Variants in EPG5 observed in about 807,000 individuals in gnomAD.
EPG5 encodes the protein ectopic P granules protein 5 homolog.
A neutral mutation model predicts 302.7 loss-of-function variants in EPG5; 159 were observed. The observed-to-expected ratio is 0.53, with a 90% CI of 0.46 to 0.60. The LOEUF is 0.60. Among genes scored for constraint, EPG5 ranks in the 20% least tolerant of loss-of-function variants. The pLI is 0.00. For missense variants in EPG5, 2,896 were observed against 3,092.4 expected, an observed-to-expected ratio of 0.94 and a Z score of 1.51; for synonymous variants, 1,158 against 1,136.8, an observed-to-expected ratio of 1.02 and a Z score of -0.37.
intron 27 of EPG5, among the ~76,000 whole-genome samples, chr18:45,898,883 T>C (rs1017280245): frequency 6.6e-6 from 1 of 152,188 alleles, no homozygotes; most frequent in Non-Finnish European, 1.5e-5. Context: ...TGCCAGCACT[T>C]TGGGAGGCCG....
intron 27 of EPG5, among the ~76,000 whole-genome samples, chr18:45,892,449 T>G (rs1031534485): frequency 6.6e-6 from 1 of 152,322 alleles, no homozygotes; most frequent in East Asian, 1.9e-4. Context: ...AATTTAAAAG[T>G]TGGACAAAGC....
intron 11 of EPG5, among the ~76,000 whole-genome samples, chr18:45,934,094 G>C (rs2050462438): frequency 6.6e-6 from 1 of 152,060 alleles, no homozygotes; most frequent in Non-Finnish European, 1.5e-5. Context: ...TTCAAGACCA[G>C]CCTGGGCAAC....
At chr18:45,899,976 G>A (rs746063434) in intron 26 of EPG5, among the ~76,000 whole-genome samples, 9 of 152,278 alleles carry the variant, frequency 5.9e-5, no homozygotes, top group Non-Finnish European at 7.4e-5. Context: ...AAAGCTAATC[G>A]CATACATGGG....
At chr18:45,903,056 CTA>C (rs1288473047) in intron 25 of EPG5, among the ~76,000 whole-genome samples, 1 of 152,116 alleles carries the variant, frequency 6.6e-6, no homozygotes, top group African/African-American at 2.4e-5. Flanking sequence ...CATAGAAACA[CTA>C]TGAATGGAAG....
chr18:45,933,669 CA>C (rs34283302), intron 11 of EPG5, among the ~76,000 whole-genome samples: 50 of 135,188 alleles, frequency 3.7e-4, no homozygotes, highest in Admixed American at 5.3e-4. Context: ...TGCTCATTCT[CA>C]AAAAAAAAAA....
rs2048970225 is a variant in EPG5, at chr18:45,876,305, T to C, written c.5980A>G (p.Thr1994Ala). Residue 1994 changes from threonine (T) to alanine (A), a missense_variant, in exon 35 of 44, where the codon ACT becomes GCT. Thr to Ala is a moderately conservative substitution (Grantham distance 58). This residue lies in a region of EPG5 where 32 missense variants were observed against 58.4 expected (regional missense o/e 0.55). Transcript: ENST00000282041. ...TGCACAATGCTTGAGGCCACCACAG[T>C]ATCACTCTCTAGCCAGGGGTAATGC... Reference protein sequence around the residue: ...QRHYPWLESDTVVASSIVQLF... With the variant: ...QRHYPWLESDAVVASSIVQLF... The C allele has an allele frequency of 1.2e-5, 20 of 1,613,954 alleles. No individual in the cohort carries two copies. The highest frequency in any genetic ancestry group is 1.5e-5 in the Non-Finnish European group (18 of 1,179,982).
At chr18:45,914,505 T>C (rs549733594) in intron 20 of EPG5, among the ~76,000 whole-genome samples, 95 of 152,374 alleles carry the variant, frequency 6.2e-4, no homozygotes, top group South Asian at 1.7e-3. Flanking sequence ...ATAAAAATAA[T>C]GCTGCTGCTG....
At position 45,851,646 on chromosome 18, in the gene EPG5, G is replaced by C. The variant is rs1447248306; in HGVS notation, c.*821C>G. 6.6e-6 allele frequency: 1 copy of C among 152,184 alleles called. No homozygotes were observed. Among genetic ancestry groups the C allele is most frequent in the Non-Finnish European group, 1.5e-5 (1 of 68,056 alleles). The allele number at this position is 152,184 out of a possible 1,614,324, so 9.4% of individuals were successfully genotyped here. On this transcript the variant is annotated 3_prime_UTR_variant, in exon 44 of 44. Transcript: ENST00000282041. ...GGGTGCAAACTTAGGTGTCGACAGG[G>C]GCAAGTGATGTGAATGAGGCTAGGG...
chr18:45,933,705 C>T (rs963085359), intron 11 of EPG5, among the ~76,000 whole-genome samples: 2 of 151,778 alleles, frequency 1.3e-5, no homozygotes, highest in Non-Finnish European at 2.9e-5. Context: ...AAAAATAAAT[C>T]ATGAATGTCT....
intron 27 of EPG5, among the ~76,000 whole-genome samples, chr18:45,890,580 T>TA (rs11461248): frequency 0.62 from 93,381 of 151,194 alleles, 29,027 homozygotes; most frequent in Non-Finnish European, 0.64. Flanking sequence ...TGAGCTTCTT[T>TA]AAAAAAAAAC....
chr18:45,967,231 C>T lies in EPG5; in HGVS notation c.9G>A (p.Glu3=). 6.2e-7 allele frequency: 1 copy of T among 1,603,020 alleles called. No homozygotes were observed. Among genetic ancestry groups the T allele is most frequent in the Non-Finnish European group, 8.5e-7 (1 of 1,175,056 alleles). ...TGGCCCGGCGCTGGGGCTTCACCGC[C>T]TCGGCCATAGACCCTTCCGCGGCGC... MA[E]AVKPQRRAKA... is the part of the protein sequence containing the mutation. The change falls in exon 1 of 44, where the codon GAG becomes GAA. Residue 3 remains glutamate, a synonymous_variant. Coordinates refer to ENST00000282041, the MANE Select transcript of EPG5 (RefSeq NM_020964.3).
chr18:45,934,714 T>A, intron 11 of EPG5, 95 bp downstream of exon 11: 1 of 1,395,224 alleles, frequency 7.2e-7, no homozygotes. Flanking sequence ...AGTAAAACAT[T>A]TTCTCTTAGT....
At chr18:45,816,861 C>A in the EPG5 span, among the ~76,000 whole-genome samples, 1 of 152,150 alleles carries the variant, frequency 6.6e-6, no homozygotes, top group Non-Finnish European at 1.5e-5. Context: ...AACGTGGAAC[C>A]AATCCAAATG....
chr18:45,821,163 T>G, the EPG5 span, among the ~76,000 whole-genome samples: 2 of 152,362 alleles, frequency 1.3e-5, no homozygotes, highest in African/African-American at 4.8e-5. Context: ...GTTTTCTTGT[T>G]GATGACTATC....
chr18:45,916,369 G>A, intron 18 of EPG5, 69 bp downstream of exon 18: 1 of 1,574,010 alleles, frequency 6.4e-7, no homozygotes. Context: ...AAACCTAAGT[G>A]TGCTAACGCT....
chr18:45,913,558 A>C (rs927370437), intron 21 of EPG5, 148 bp downstream of exon 21: 39 of 933,376 alleles, frequency 4.2e-5, no homozygotes, highest in Non-Finnish European at 6.1e-5. Flanking sequence ...CTCTTCAATT[A>C]CACAGTTTTA....
intron 1 of EPG5, among the ~76,000 whole-genome samples, chr18:45,957,705 A>G (rs1282547610): frequency 6.6e-6 from 1 of 152,196 alleles, no homozygotes; most frequent in Non-Finnish European, 1.5e-5. Flanking sequence ...CTTGGCCTAT[A>G]CTGTGTGTGC....
In EPG5 at chr18:45,907,938, A is replaced by AC; in HGVS notation, c.4329+19_4329+20insG. On this transcript the variant is annotated intron_variant, in intron 24 of 43. Coordinates refer to ENST00000282041, the MANE Select transcript of EPG5 (RefSeq NM_020964.3). The stretch of plus-strand genomic sequence containing the variant: ...GATATGCTAAAAAAAAAAAAAAAAA[A>AC]AGGAGGGCTATAATTTCACCTGCTG... The AC allele has an allele frequency of 6.5e-7, 1 of 1,535,710 alleles. No individual in the cohort carries two copies. Among genetic ancestry groups the AC allele is most frequent in the Non-Finnish European group, 8.7e-7 (1 of 1,151,674 alleles).
the EPG5 span, among the ~76,000 whole-genome samples, chr18:45,809,210 C>T: frequency 6.6e-6 from 1 of 152,054 alleles, no homozygotes; most frequent in Non-Finnish European, 1.5e-5. Context: ...AACACTGGAG[C>T]TCCCAAATTT....
Sources: allele counts gnomAD v4.1 joint callset (sites outside exome capture counted in the v4.1 genomes callset), GRCh38; gene constraint gnomAD v4.1.1; regional missense constraint gnomAD v4.1.1; transcripts MANE v1.5; gene names NCBI Gene and HGNC (gene_info 2026-07-23, HGNC 2026-07-21).